NCK1: variants seen among roughly 807,000 people sequenced by gnomAD.
NCK1 encodes the protein SH2/SH3 adapter protein NCK1.
In NCK1, 19 loss-of-function variants were observed where a neutral mutation model predicts 36.6. That is an observed-to-expected ratio of 0.52 (90% CI 0.36 to 0.76). The LOEUF (loss-of-function observed/expected upper bound fraction) is 0.76, where lower values mean the gene tolerates loss of function less well. NCK1 is among the 30% of genes least tolerant of loss of function. The pLI is 0.00. For missense variants in NCK1, 358 were observed against 445.6 expected (o/e 0.80, Z 1.77); for synonymous variants, 165 against 156.0 (o/e 1.06, Z -0.43).
intron 1 of NCK1, among the ~76,000 whole-genome samples, chr3:136,876,219 C>T (rs1938767379): frequency 6.6e-6 from 1 of 152,106 alleles, no homozygotes; most frequent in Non-Finnish European, 1.5e-5. Flanking sequence ...CCAAAATTGA[C>T]ACCCTAACAT....
intron 2 of NCK1, among the ~76,000 whole-genome samples, chr3:136,932,674 A>G (rs1199781795): frequency 1.3e-5 from 2 of 152,196 alleles, no homozygotes; most frequent in Non-Finnish European, 2.9e-5. Context: ...CTTGTAAAAG[A>G]GAGAGTTGGG....
chr3:136,893,307 T>C (rs9878367), intron 1 of NCK1, among the ~76,000 whole-genome samples: 102,591 of 150,666 alleles, frequency 0.68, 35,243 homozygotes, highest in East Asian at 0.87. Context: ...GCCATCCACG[T>C]CAACATCTAT....
chr3:136,942,615 T>C (rs952256810), intron 2 of NCK1, among the ~76,000 whole-genome samples: 1 of 152,252 alleles, frequency 6.6e-6, no homozygotes, highest in Admixed American at 6.5e-5. Context: ...GCTCAAAGCC[T>C]GAAGATCAGC....
intron 1 of NCK1, among the ~76,000 whole-genome samples, chr3:136,905,768 G>GAGTAGCTGGGACTGAGTAGCTGGGAC (rs1939668339): frequency 7.2e-5 from 11 of 151,918 alleles, no homozygotes; most frequent in African/African-American, 2.7e-4. Context: ...GGGACTACAG[G>GAGTAGCTGGGACTGAGTAGCTGGGAC]TGCATGCCAC....
intron 1 of NCK1, among the ~76,000 whole-genome samples, chr3:136,906,177 G>A (rs1048338611): frequency 1.3e-5 from 2 of 151,960 alleles, no homozygotes; most frequent in Non-Finnish European, 2.9e-5. Context: ...GTCTCTGTGT[G>A]TTTTCTTTCA....
At chr3:136,941,048 T>G (rs191371952) in intron 2 of NCK1, among the ~76,000 whole-genome samples, 1 of 152,228 alleles carries the variant, frequency 6.6e-6, no homozygotes, top group African/African-American at 2.4e-5. Context: ...TTCTGCTATT[T>G]TGCTGTTTTC....
chr3:136,912,325 G>A (rs768179282), intron 1 of NCK1, among the ~76,000 whole-genome samples: 4 of 151,832 alleles, frequency 2.6e-5, no homozygotes, highest in Non-Finnish European at 5.9e-5. Flanking sequence ...ACCACGCCTG[G>A]CTGATTTTTG....
chr3:136,891,244 C>A (rs1485867372), intron 1 of NCK1, among the ~76,000 whole-genome samples: 1 of 152,232 alleles, frequency 6.6e-6, no homozygotes, highest in Non-Finnish European at 1.5e-5. Context: ...AAGTAATTCT[C>A]CTGCCTCAGC....
chr3:136,872,495 G>C (rs1364545693), intron 1 of NCK1, among the ~76,000 whole-genome samples: 2 of 152,184 alleles, frequency 1.3e-5, no homozygotes, highest in Non-Finnish European at 2.9e-5. Context: ...TTTGCAGCTT[G>C]ACAGCGTGAT....
At position 136,950,768 on chromosome 3, in the gene NCK1, T is replaced by G. The variant is rs1006776566; in HGVS notation, c.*2315T>G. 5.3e-5 allele frequency among the ~76,000 whole-genome samples: 8 copies of G among 152,108 alleles called. No homozygotes were observed. Among genetic ancestry groups the G allele is most frequent in the African/African-American group, 1.9e-4 (8 of 41,416 alleles). On this transcript the variant is annotated 3_prime_UTR_variant, in exon 4 of 4. Transcript: ENST00000481752. ...GAGGAGAGTCCTGGGAAGGGCAATA[T>G]TACAGAAGTTTTCTTCCACATGAGG...
At position 136,901,108 on chromosome 3, in the gene NCK1, T is replaced by TA. The variant is rs1448450939; in HGVS notation, c.-18-26875dup. 2.0e-5 allele frequency among the ~76,000 whole-genome samples: 3 copies of TA among 152,204 alleles called. No homozygotes were observed. The East Asian group carries it at 5.8e-4, about 29-fold the overall frequency. ...TTATGCCTAGTTTGTTAAGAGTTTT[T>TA]ATCACGAAGGGACACTGAATTTTAT... On this transcript the variant is annotated intron_variant, in intron 1 of 3. Transcript: ENST00000481752.
intron 2 of NCK1, among the ~76,000 whole-genome samples, chr3:136,943,117 A>T (rs1013436716): frequency 6.6e-6 from 1 of 151,018 alleles, no homozygotes; most frequent in Non-Finnish European, 1.5e-5. Flanking sequence ...TTTCTTTACC[A>T]AGCCTTGCCC....
At chr3:136,907,204 T>TC (rs1221028979) in intron 1 of NCK1, among the ~76,000 whole-genome samples, 2 of 152,034 alleles carry the variant, frequency 1.3e-5, no homozygotes, top group African/African-American at 2.4e-5. Flanking sequence ...AATGCACGGG[T>TC]CCCCCTCTGC....
intron 1 of NCK1, among the ~76,000 whole-genome samples, chr3:136,919,647 T>C (rs1311453891): frequency 6.6e-6 from 1 of 152,214 alleles, no homozygotes; most frequent in Non-Finnish European, 1.5e-5. Flanking sequence ...CAAACTACTT[T>C]TATAAATTCT....
intron 1 of NCK1, among the ~76,000 whole-genome samples, chr3:136,872,368 G>A (rs1938650958): frequency 6.6e-6 from 1 of 152,206 alleles, no homozygotes; most frequent in African/African-American, 2.4e-5. Flanking sequence ...ACTTGGGAGA[G>A]ATGATTTAGG....
chr3:136,938,021 G>A (rs1940578717), intron 2 of NCK1, among the ~76,000 whole-genome samples: 3 of 152,164 alleles, frequency 2.0e-5, no homozygotes, highest in Non-Finnish European at 4.4e-5. Context: ...ACCATTGAGT[G>A]TGATGTCAGC....
rs1576983390 is a variant in NCK1, at chr3:136,928,285, T to C, written c.226+58T>C. 2.1e-6 allele frequency: 3 copies of C among 1,450,802 alleles called. No homozygotes were observed. The East Asian group carries it at 7.1e-5, about 35-fold the overall frequency. The allele number at this position is 1,450,802 out of a possible 1,614,324, so 89.9% of individuals were successfully genotyped here. A position where few individuals can be genotyped will look rare whatever the true frequency, so the allele number is the denominator to read the frequency against. ...TTTTAAATGAAACCTGCAACTTAGT[T>C]CTTTGTACATAATTCTGGCAGCAGT... On this transcript the variant is annotated intron_variant, in intron 2 of 3. Coordinates refer to ENST00000481752, the MANE Select transcript of NCK1 (RefSeq NM_001291999.2).
At chr3:136,893,197 C>CACACACACACACACACACACCAT (rs1433214410) in intron 1 of NCK1, among the ~76,000 whole-genome samples, 63 of 118,266 alleles carry the variant, frequency 5.3e-4, no homozygotes, top group South Asian at 8.7e-4. Flanking sequence ...TATATACACA[C>CACACACACACACACACACACCAT]ATGTGCAAGT....
chr3:136,896,074 G>A (rs1489868181), intron 1 of NCK1, among the ~76,000 whole-genome samples: 2 of 152,040 alleles, frequency 1.3e-5, no homozygotes. Context: ...CATAGGATGT[G>A]TAATGATCAA....
Sources: allele counts gnomAD v4.1 joint callset (sites outside exome capture counted in the v4.1 genomes callset), GRCh38; gene constraint gnomAD v4.1.1; transcripts MANE v1.5; gene names NCBI Gene and HGNC (gene_info 2026-07-23, HGNC 2026-07-21).